The following CUBN variants were observed in gnomAD, a reference collection of about 807,000 sequenced individuals.
CUBN encodes the protein cubilin, also known as 460 kDa receptor.
A neutral mutation model predicts 405.3 loss-of-function variants in CUBN; 282 were observed. That is an observed-to-expected ratio of 0.70 (90% CI 0.63 to 0.77). The LOEUF (loss-of-function observed/expected upper bound fraction) is 0.77. CUBN is among the 30% of genes least tolerant of loss of function. The pLI, the probability that CUBN is intolerant of heterozygous loss-of-function variation, is 0.00. For missense variants in CUBN, 4,514 were observed against 4,475.2 expected (o/e 1.01, Z -0.25); for synonymous variants, 1,684 against 1,617.0 (o/e 1.04, Z -0.99).
At position 16,900,111 on chromosome 10, in the gene CUBN, G is replaced by A. The variant is rs149871334; in HGVS notation, c.8410+514C>T. Among the ~76,000 whole-genome samples the A allele has an allele frequency of 6.2e-3, 947 of 152,254 alleles. 6 individuals are homozygous for A. Among genetic ancestry groups the A allele is most frequent in the Non-Finnish European group, 0.01 (710 of 68,010 alleles). ...TTACAAATCTCATCTTGTCACCTTCGTTTTCAAAACTCTTCAACAGTTTCC... is the reference window on the plus strand; with the variant it reads ...TTACAAATCTCATCTTGTCACCTTCATTTTCAAAACTCTTCAACAGTTTCC... On this transcript the variant is annotated intron_variant, in intron 53 of 66. Transcript: ENST00000377833.
chr10:16,910,907 T>C (rs1221593750), intron 48 of CUBN, among the ~76,000 whole-genome samples: 3 of 152,022 alleles, frequency 2.0e-5, no homozygotes, highest in Non-Finnish European at 2.9e-5. Context: ...CGCAAGAGGG[T>C]ATGCCTCACC....
intron 29 of CUBN, among the ~76,000 whole-genome samples, chr10:16,989,842 T>G (rs1251620305): frequency 2.6e-5 from 4 of 152,202 alleles, no homozygotes; most frequent in Non-Finnish European, 4.4e-5. Flanking sequence ...GCCATCCCTG[T>G]GCTTGTTGGC....
chr10:16,918,193 A>G (rs1841937116), intron 45 of CUBN, among the ~76,000 whole-genome samples: 1 of 152,166 alleles, frequency 6.6e-6, no homozygotes, highest in African/African-American at 2.4e-5. Context: ...TGGTTACTGT[A>G]GCCCTGTAGT....
At chr10:16,999,911 G>A (rs1833832897) in intron 28 of CUBN, among the ~76,000 whole-genome samples, 1 of 152,120 alleles carries the variant, frequency 6.6e-6, no homozygotes, top group Non-Finnish European at 1.5e-5. Flanking sequence ...TGCAGGGAGA[G>A]GACTCCACCC....
intron 14 of CUBN, among the ~76,000 whole-genome samples, chr10:17,097,587 T>A (rs1249767422): frequency 1.3e-5 from 2 of 152,104 alleles, no homozygotes; most frequent in African/African-American, 4.8e-5. Context: ...TACAAAAGAA[T>A]ATCACCCAAA....
intron 16 of CUBN, among the ~76,000 whole-genome samples, chr10:17,085,033 A>C (rs1310574065): frequency 6.6e-6 from 1 of 152,220 alleles, no homozygotes; most frequent in African/African-American, 2.4e-5. Flanking sequence ...TTAAGGGCAC[A>C]ATAATAGATG....
chr10:16,884,124 G>C (rs780853), intron 56 of CUBN, among the ~76,000 whole-genome samples: 107,784 of 152,008 alleles, frequency 0.71, 38,584 homozygotes, highest in East Asian at 0.83. Context: ...GGACTACAGG[G>C]GCCCGCCACC....
Position 16,847,688 on chromosome 10 carries a change from T to C in CUBN, c.9663+3547A>G, listed in dbSNP as rs1223475306. ...CAACTAACTCCTGCAATGGATGCGA[T>C]GTGGATTTCAAAAGAGACTGCTCAG... On this transcript the variant is annotated intron_variant, in intron 60 of 66. Transcript: ENST00000377833. Among the ~76,000 whole-genome samples the C allele has an allele frequency of 2.0e-5, 3 of 152,128 alleles. No homozygotes were observed. The East Asian group carries it at 5.8e-4, about 29-fold the overall frequency.
intron 10 of CUBN, among the ~76,000 whole-genome samples, chr10:17,106,654 A>T (rs1197714981): frequency 6.6e-6 from 1 of 151,482 alleles, no homozygotes; most frequent in African/African-American, 2.4e-5. Context: ...CACTTTACAG[A>T]TGAAGCCAGT....
Position 17,101,543 on chromosome 10 carries a change from T to C in CUBN, c.1531-1304A>G, listed in dbSNP as rs1836493277. On this transcript the variant is annotated intron_variant, in intron 13 of 66. Coordinates refer to ENST00000377833, the MANE Select transcript of CUBN (RefSeq NM_001081.4). ...GACCCTTGTACAATGCCCTCTGTAA[T>C]AGTTTGCTGGAAAAAGTTAATAGGA... Among the ~76,000 whole-genome samples the C allele has an allele frequency of 3.9e-5, 6 of 152,306 alleles. No homozygotes were observed. The South Asian group carries it at 1.2e-3, about 32-fold the overall frequency.
intron 28 of CUBN, among the ~76,000 whole-genome samples, chr10:17,001,267 AG>A (rs1833871079): frequency 6.6e-6 from 1 of 152,214 alleles, no homozygotes. Context: ...AAAAGAACAA[AG>A]CTTCCACAGC....
chr10:16,984,204 G>C lies in CUBN; in HGVS notation c.4426C>G (p.Gln1476Glu), dbSNP rs867893935. Reference sequence around the variant, plus strand: ...AGCTCATTTCCAGTGCTGGAGACCTGCATGGGGTTCTCAGGTGATCTCTGG... The same window carrying C: ...AGCTCATTTCCAGTGCTGGAGACCTCCATGGGGTTCTCAGGTGATCTCTGG... ...CTQRSPENPM[Q>E]VSSTGNELAI... Residue 1476 changes from glutamine (Q) to glutamate (E), a missense_variant, in exon 30 of 67, where the codon CAG becomes GAG. Physicochemically the swap from Gln to Glu is conservative, Grantham distance 29. Transcript: ENST00000377833. The C allele has an allele frequency of 1.9e-6, 3 of 1,614,128 alleles. No individual in the cohort carries two copies. Among genetic ancestry groups the C allele is most frequent in the Admixed American group, 1.7e-5 (1 of 60,024 alleles).
intron 55 of CUBN, among the ~76,000 whole-genome samples, chr10:16,889,697 C>A (rs1188019258): frequency 6.6e-6 from 1 of 151,358 alleles, no homozygotes; most frequent in Non-Finnish European, 1.5e-5. Context: ...AGATCAAGAT[C>A]ATCCTGGCCA....
rs187481800 is a variant in CUBN, at chr10:17,091,066, G to A, written c.1766-2721C>T. On this transcript the variant is annotated intron_variant, in intron 14 of 66. Transcript: ENST00000377833. Reference sequence around the variant, plus strand: ...GTCAGAGCTCTTTAGGGAAATCAGGGTTTTCAGTCCTGAGGTAAATAATGT... The same window carrying A: ...GTCAGAGCTCTTTAGGGAAATCAGGATTTTCAGTCCTGAGGTAAATAATGT... 3.6e-3 allele frequency among the ~76,000 whole-genome samples: 549 copies of A among 152,190 alleles called. 2 individuals are homozygous for A. The highest frequency in any genetic ancestry group is 5.1e-3 in the Non-Finnish European group (347 of 68,014).
intron 12 of CUBN, among the ~76,000 whole-genome samples, chr10:17,103,489 C>T (rs768849588): frequency 6.6e-6 from 1 of 152,168 alleles, no homozygotes; most frequent in Non-Finnish European, 1.5e-5. Context: ...TCACTGATTC[C>T]CATTCTCTGT....
chr10:17,064,972 G>A (rs146711866), intron 22 of CUBN, among the ~76,000 whole-genome samples: 23 of 152,152 alleles, frequency 1.5e-4, no homozygotes, highest in African/African-American at 5.5e-4. Flanking sequence ...TTGTTATTCT[G>A]TTTCTAATTT....
In CUBN at chr10:16,887,820, G is replaced by C. The variant is rs547931026; in HGVS notation, c.8905+597C>G. On this transcript the variant is annotated intron_variant, in intron 56 of 66. Coordinates refer to ENST00000377833, the MANE Select transcript of CUBN (RefSeq NM_001081.4). ...TTCATAATGGCCAAGACATGGAATG[G>C]ACCTGAGTGTCCACCAGTGAATGAA... 2.6e-5 allele frequency among the ~76,000 whole-genome samples: 4 copies of C among 152,280 alleles called. No homozygotes were observed. The East Asian group carries it at 5.8e-4, about 22-fold the overall frequency.
intron 56 of CUBN, among the ~76,000 whole-genome samples, chr10:16,879,713 A>C (rs1264035897): frequency 6.6e-6 from 1 of 152,238 alleles, no homozygotes; most frequent in African/African-American, 2.4e-5. Context: ...GGAAGTTGGA[A>C]TAGAGGTAGT....
At chr10:17,036,195 A>G (rs1012804611) in intron 27 of CUBN, among the ~76,000 whole-genome samples, 1 of 152,100 alleles carries the variant, frequency 6.6e-6, no homozygotes, top group African/African-American at 2.4e-5. Context: ...GCTCAAACAC[A>G]TGAGCTCCCT....
Sources: allele counts gnomAD v4.1 joint callset (sites outside exome capture counted in the v4.1 genomes callset), GRCh38; gene constraint gnomAD v4.1.1; transcripts MANE v1.5; gene names NCBI Gene and HGNC (gene_info 2026-07-23, HGNC 2026-07-21).